SLC7A2: variants seen among roughly 807,000 people sequenced by gnomAD.
SLC7A2 encodes cationic amino acid transporter 2.
Under a neutral mutation model 58.9 loss-of-function variants are expected in SLC7A2, and 48 were observed. The observed-to-expected ratio is 0.82, with a 90% CI of 0.65 to 1.04. The LOEUF (loss-of-function observed/expected upper bound fraction) is 1.04. Ranked by LOEUF, SLC7A2 falls within the 50% of genes least tolerant of loss-of-function variation. The pLI, the probability that SLC7A2 is intolerant of heterozygous loss-of-function variation, is 0.00. For missense variants in SLC7A2, 1,029 were observed against 818.8 expected (o/e 1.26, Z -3.13); for synonymous variants, 363 against 314.5 (o/e 1.15, Z -1.63).
intron 2 of SLC7A2, among the ~76,000 whole-genome samples, chr8:17,537,742 C>T (rs534805703): frequency 6.6e-6 from 1 of 152,238 alleles, no homozygotes; most frequent in East Asian, 1.9e-4. Context: ...ACATACTAGC[C>T]AAAGATTGCT....
At chr8:17,502,941 G>C (rs1053653557) in intron 2 of SLC7A2, among the ~76,000 whole-genome samples, 3 of 151,826 alleles carry the variant, frequency 2.0e-5, no homozygotes, top group African/African-American at 7.2e-5. Context: ...TATTATATAA[G>C]TTAATAAAAT....
intron 7 of SLC7A2, among the ~76,000 whole-genome samples, chr8:17,553,556 C>T (rs1468990439): frequency 3.9e-5 from 6 of 152,106 alleles, no homozygotes; most frequent in African/African-American, 7.2e-5. Flanking sequence ...GGATCACTTA[C>T]GGCAAAGAGT....
chr8:17,537,963 C>A (rs1801745746), intron 2 of SLC7A2, among the ~76,000 whole-genome samples: 1 of 152,292 alleles, frequency 6.6e-6, no homozygotes, highest in Non-Finnish European at 1.5e-5. Context: ...TCTCTTTGAG[C>A]TAACTAGGTA....
In SLC7A2 at chr8:17,519,608, T is replaced by C. The variant is rs77871086; in HGVS notation, c.-23+17306T>C. 4.6e-3 allele frequency among the ~76,000 whole-genome samples: 694 copies of C among 152,286 alleles called. 6 individuals carry two copies. Among genetic ancestry groups the C allele is most frequent in the African/African-American group, 0.016 (657 of 41,552 alleles). ...TTCTTTTCACTATGACCTTGCCATA[T>C]AGTTAGGTGCTTGTTTCTCATTGCC... On this transcript the variant is annotated intron_variant, in intron 2 of 12. Coordinates refer to ENST00000494857, the MANE Select transcript of SLC7A2 (RefSeq NM_001370338.1).
At chr8:17,536,397 T>C (rs1205771271) in intron 2 of SLC7A2, among the ~76,000 whole-genome samples, 1 of 152,108 alleles carries the variant, frequency 6.6e-6, no homozygotes, top group Admixed American at 6.6e-5. Context: ...AAAACCTGTC[T>C]CTACCAAAAA....
At chr8:17,510,342 T>C (rs1031771370) in intron 2 of SLC7A2, among the ~76,000 whole-genome samples, 1 of 152,150 alleles carries the variant, frequency 6.6e-6, no homozygotes, top group Non-Finnish European at 1.5e-5. Context: ...ACAATACTTA[T>C]GTATTTAAAA....
chr8:17,553,280 G>A (rs953554297), intron 7 of SLC7A2, among the ~76,000 whole-genome samples: 3 of 152,044 alleles, frequency 2.0e-5, no homozygotes, highest in African/African-American at 7.3e-5. Flanking sequence ...TGAACTCCTG[G>A]GCTCAAGCTA....
chr8:17,548,880 T>C, intron 5 of SLC7A2, 37 bp downstream of exon 5: 1 of 1,545,492 alleles, frequency 6.5e-7, no homozygotes, highest in Non-Finnish European at 8.8e-7. Flanking sequence ...CTCCTTCTTG[T>C]TTAAGAAAAT....
At chr8:17,531,978 A>G (rs1801468431) in intron 2 of SLC7A2, among the ~76,000 whole-genome samples, 1 of 152,026 alleles carries the variant, frequency 6.6e-6, no homozygotes, top group Non-Finnish European at 1.5e-5. Context: ...CTATAATCCT[A>G]ACACTTTGGG....
chr8:17,549,236 G>T (rs546235805), intron 5 of SLC7A2, among the ~76,000 whole-genome samples: 1 of 152,296 alleles, frequency 6.6e-6, no homozygotes, highest in African/African-American at 2.4e-5. Context: ...GATGAGATTG[G>T]GTGGGGACAC....
rs371225850 is a variant in SLC7A2 at position 17,510,194 on chromosome 8, T to C, written c.-23+7892T>C. On this transcript the variant is annotated intron_variant, in intron 2 of 12. Coordinates refer to ENST00000494857, the MANE Select transcript of SLC7A2 (RefSeq NM_001370338.1). ...AAGATAGCACCGCTGCACTCCAGCC[T>C]GGGTGACAGAGCAAGACTCTGTCTC... 3.3e-4 allele frequency among the ~76,000 whole-genome samples: 50 copies of C among 152,036 alleles called. No individual in the cohort carries two copies. The East Asian group carries it at 7.4e-3, about 22-fold the overall frequency.
intron 2 of SLC7A2, among the ~76,000 whole-genome samples, chr8:17,526,926 G>C (rs1801244228): frequency 6.6e-6 from 1 of 152,308 alleles, no homozygotes; most frequent in Middle Eastern, 3.4e-3. Context: ...CTGGGGATAA[G>C]TTCGAGAGAA....
intron 9 of SLC7A2, 23 bp downstream of exon 9, chr8:17,558,420 A>G: frequency 1.4e-6 from 2 of 1,477,372 alleles, no homozygotes; most frequent in Non-Finnish European, 1.9e-6. Context: ...GTGGTTCTAC[A>G]GGGTGTACCA....
At chr8:17,494,403 G>A (rs1171167390), upstream of SLC7A2, among the ~76,000 whole-genome samples, 6 of 152,180 alleles carry the variant, frequency 3.9e-5, no homozygotes, top group Non-Finnish European at 1.5e-5. Context: ...TGCTGAAAAT[G>A]ACTAAGTTGG....
chr8:17,501,079 C>G (rs1321557413), intron 1 of SLC7A2, among the ~76,000 whole-genome samples: 1 of 151,536 alleles, frequency 6.6e-6, no homozygotes, highest in African/African-American at 2.4e-5. Flanking sequence ...AGTGGTGCGA[C>G]CTTGGCTCAC....
chr8:17,535,046 C>G (rs765039371), intron 2 of SLC7A2, among the ~76,000 whole-genome samples: 45 of 152,044 alleles, frequency 3.0e-4, no homozygotes, highest in African/African-American at 1.0e-3. Context: ...CTTGATCTTT[C>G]TCATCCCTTA....
At position 17,566,449 on chromosome 8, in the gene SLC7A2, C is replaced by T. The variant is rs948530187; in HGVS notation, c.*1303C>T. 1 of 152,140 alleles carries T rather than the reference C, an allele frequency of 6.6e-6. No homozygotes were observed. Among genetic ancestry groups the T allele is most frequent in the African/African-American group, 2.4e-5 (1 of 41,430 alleles). The allele number at this position is 152,140 out of a possible 1,614,324, so 9.4% of individuals were successfully genotyped here. A position where few individuals can be genotyped will look rare whatever the true frequency, so the allele number is the denominator to read the frequency against. On this transcript the variant is annotated 3_prime_UTR_variant, in exon 13 of 13. Coordinates refer to ENST00000494857, the MANE Select transcript of SLC7A2 (RefSeq NM_001370338.1). ...TTTGGAAACATTTAGGAATATTTTT[C>T]TCCCCCTACCCCATAAATTGTGTAG...
In SLC7A2 at chr8:17,543,455, T is replaced by G. The variant is rs1315362598; in HGVS notation, c.116T>G (p.Leu39Arg). The G allele has an allele frequency of 6.2e-7, 1 of 1,614,042 alleles. No homozygotes were observed. Among genetic ancestry groups the G allele is most frequent in the Admixed American group, 1.7e-5 (1 of 60,002 alleles). The change falls in exon 3 of 13, where the codon CTC becomes CGC. Residue 39 changes from leucine (L) to arginine (R), a missense_variant. Transcript: ENST00000494857. ...TGCCGCTGCTTATCCACCATGGACC[T>G]CATTGCCCTGGGCGTTGGAAGCACC... is the stretch of plus-strand genomic sequence containing the variant. ...KLCRCLSTMD[L>R]IALGVGSTLG...
At chr8:17,499,180 C>T (rs1349793268) in intron 1 of SLC7A2, 3 of 152,360 alleles carry the variant, frequency 2.0e-5, no homozygotes, top group South Asian at 2.1e-4. Context: ...CTTTTCAGTC[C>T]TTCCTTTTCA....
Sources: allele counts gnomAD v4.1 joint callset (sites outside exome capture counted in the v4.1 genomes callset), GRCh38; gene constraint gnomAD v4.1.1; transcripts MANE v1.5; gene names NCBI Gene and HGNC (gene_info 2026-07-23, HGNC 2026-07-21).